Variants in ARMC2 observed in about 807,000 individuals in gnomAD.
ARMC2 encodes the protein armadillo repeat-containing protein 2.
ARMC2 carries 67 observed loss-of-function variants against 90.3 expected under a neutral mutation model. The observed-to-expected ratio is 0.74, with a 90% CI of 0.61 to 0.91. ARMC2 has a LOEUF of 0.91. Among genes scored for constraint, ARMC2 ranks in the 40% least tolerant of loss-of-function variants. The pLI is 0.00. For missense variants in ARMC2, 920 were observed against 1,030.9 expected (o/e 0.89, Z 1.47); for synonymous variants, 393 against 393.0 (o/e 1.00, Z 0.00).
At chr6:108,918,195 T>G (rs1774174549) in intron 10 of ARMC2, among the ~76,000 whole-genome samples, 1 of 151,912 alleles carries the variant, frequency 6.6e-6, no homozygotes, top group Admixed American at 6.6e-5. Context: ...TCTGTGAAAA[T>G]GGCCTCATTT....
At chr6:109,041,958 T>C in the ARMC2 span, among the ~76,000 whole-genome samples, 41 of 152,220 alleles carry the variant, frequency 2.7e-4, no homozygotes, top group South Asian at 4.1e-3. Context: ...ATAAAATAAA[T>C]TTGAATATAT....
At chr6:109,020,499 C>T in the ARMC2 span, among the ~76,000 whole-genome samples, 4 of 152,116 alleles carry the variant, frequency 2.6e-5, no homozygotes, top group African/African-American at 9.7e-5. Context: ...ATATAAAATA[C>T]TAGTAAAAAC....
chr6:109,005,902 T>TA, the ARMC2 span, among the ~76,000 whole-genome samples: 2 of 152,246 alleles, frequency 1.3e-5, no homozygotes, highest in Non-Finnish European at 2.9e-5. Flanking sequence ...TTTGGCTGTC[T>TA]AATTTCTCAG....
At chr6:108,866,707 G>T (rs1022697361) in intron 3 of ARMC2, among the ~76,000 whole-genome samples, 46 of 152,144 alleles carry the variant, frequency 3.0e-4, no homozygotes, top group Admixed American at 1.6e-3. Flanking sequence ...CCTTCTCCAG[G>T]TCTCCAAAAG....
the ARMC2 span, among the ~76,000 whole-genome samples, chr6:108,981,354 T>C: frequency 6.6e-6 from 1 of 152,120 alleles, no homozygotes; most frequent in Non-Finnish European, 1.5e-5. Context: ...AAATCTACCA[T>C]TTTAACCATT....
chr6:108,924,823 CTG>C (rs995055496), intron 10 of ARMC2, among the ~76,000 whole-genome samples: 1 of 152,126 alleles, frequency 6.6e-6, no homozygotes, highest in Non-Finnish European at 1.5e-5. Context: ...TGGGGGCAAA[CTG>C]TGGAAGGAGC....
the ARMC2 span, among the ~76,000 whole-genome samples, chr6:108,984,927 CA>C: frequency 6.6e-6 from 1 of 152,110 alleles, no homozygotes; most frequent in African/African-American, 2.4e-5. Flanking sequence ...AGAGTTCTCA[CA>C]AAGATATTCT....
chr6:109,022,414 T>C, the ARMC2 span, among the ~76,000 whole-genome samples: 1 of 71,242 alleles, frequency 1.4e-5, no homozygotes, highest in African/African-American at 5.4e-5. Flanking sequence ...TCTAAAGCTT[T>C]TTTTTTTTTT....
intron 13 of ARMC2, among the ~76,000 whole-genome samples, chr6:108,960,305 T>C (rs1035439443): frequency 6.6e-6 from 1 of 152,220 alleles, no homozygotes; most frequent in Non-Finnish European, 1.5e-5. Flanking sequence ...ATCACCCGTG[T>C]CCACGCTATG....
chr6:108,970,374 A>C (rs934966264), intron 17 of ARMC2, among the ~76,000 whole-genome samples: 2 of 152,104 alleles, frequency 1.3e-5, no homozygotes, highest in Non-Finnish European at 2.9e-5. Flanking sequence ...CCAAAGCCCT[A>C]GGAGAAAGAA....
At chr6:109,031,599 CCTT>C in the ARMC2 span, among the ~76,000 whole-genome samples, 1 of 152,158 alleles carries the variant, frequency 6.6e-6, no homozygotes, top group African/African-American at 2.4e-5. Context: ...TAGATGTCCT[CCTT>C]TGAAAATTTC....
chr6:108,933,799 G>A (rs1193756833), intron 11 of ARMC2, among the ~76,000 whole-genome samples: 1 of 152,066 alleles, frequency 6.6e-6, no homozygotes, highest in Admixed American at 6.6e-5. Flanking sequence ...ATTGGCTGTG[G>A]GTTTGTCATA....
intron 5 of ARMC2, among the ~76,000 whole-genome samples, chr6:108,890,473 C>G (rs1770894229): frequency 6.6e-6 from 1 of 151,976 alleles, no homozygotes; most frequent in Non-Finnish European, 1.5e-5. Flanking sequence ...ACCTGTAATC[C>G]TAGCAATTTG....
rs569714098 is a variant in ARMC2 at position 108,950,755 on chromosome 6, C to T, written c.1597-2278C>T. Among the ~76,000 whole-genome samples, 30 of 152,270 alleles carry T rather than the reference C, an allele frequency of 2.0e-4. 1 individual carries two copies. The highest frequency in any genetic ancestry group is 6.3e-4 in the African/African-American group (26 of 41,550). On this transcript the variant is annotated intron_variant, in intron 12 of 17. Transcript: ENST00000392644. ...AGATTACCCATGTAACAAAAGTGCT[C>T]ATGTACCCCTGAGCCTAAAAAGTTA...
chr6:109,019,301 C>T, the ARMC2 span, among the ~76,000 whole-genome samples: 1 of 152,196 alleles, frequency 6.6e-6, no homozygotes, highest in African/African-American at 2.4e-5. Context: ...ACATCACTCA[C>T]CCAAGACTTG....
intron 13 of ARMC2, among the ~76,000 whole-genome samples, chr6:108,957,854 TG>T (rs1335645546): frequency 1.3e-5 from 2 of 152,082 alleles, no homozygotes; most frequent in Non-Finnish European, 2.9e-5. Flanking sequence ...GAGGGTAGGA[TG>T]GTTGTCATGG....
At chr6:108,873,032 G>A (rs2128434320) in intron 4 of ARMC2, among the ~76,000 whole-genome samples, 1 of 152,244 alleles carries the variant, frequency 6.6e-6, no homozygotes, top group South Asian at 2.1e-4. Flanking sequence ...CACAATTTGG[G>A]AAACACTAGC....
the ARMC2 span, among the ~76,000 whole-genome samples, chr6:109,029,660 C>G: frequency 6.6e-6 from 1 of 152,080 alleles, no homozygotes; most frequent in Non-Finnish European, 1.5e-5. Context: ...CTTAGCCTCC[C>G]AAGTAGGGTT....
chr6:109,047,838 G>T, the ARMC2 span, among the ~76,000 whole-genome samples: 1 of 146,072 alleles, frequency 6.8e-6, no homozygotes, highest in African/African-American at 2.5e-5. Context: ...GTCCACTCAG[G>T]GTTAAATGGA....
Sources: gnomAD v4.1 joint callset for allele counts (sites outside exome capture counted in the v4.1 genomes callset) on GRCh38, gnomAD v4.1.1 for gene constraint, MANE v1.5 for transcripts, NCBI Gene and HGNC (gene_info 2026-07-23, HGNC 2026-07-21) for gene names.